Variants in ZCCHC17 observed in about 807,000 individuals in gnomAD.
ZCCHC17 encodes the protein zinc finger CCHC domain-containing protein 17.
ZCCHC17 carries 18 observed loss-of-function variants against 30.6 expected under a neutral mutation model. That is an observed-to-expected ratio of 0.59 (90% CI 0.41 to 0.87). The LOEUF is 0.87. Among genes scored for constraint, ZCCHC17 ranks in the 40% least tolerant of loss-of-function variants. The pLI, the probability that ZCCHC17 is intolerant of heterozygous loss-of-function variation, is 0.00. For synonymous variants in ZCCHC17, 88 were observed against 92.4 expected, an observed-to-expected ratio of 0.95 and a Z score of 0.27; for missense variants, 263 against 284.2, an observed-to-expected ratio of 0.93 and a Z score of 0.54.
At chr1:31,313,663 C>G (rs1408586294) in intron 2 of ZCCHC17, among the ~76,000 whole-genome samples, 1 of 152,064 alleles carries the variant, frequency 6.6e-6, no homozygotes, top group African/African-American at 2.4e-5. Context: ...ATGGTATCCC[C>G]AAAGGTTAGT....
At chr1:31,303,114 C>A (rs866388798) in intron 1 of ZCCHC17, among the ~76,000 whole-genome samples, 15 of 146,946 alleles carry the variant, frequency 1.0e-4, no homozygotes, top group African/African-American at 4.1e-4. Flanking sequence ...CAGTCTCTAC[C>A]CCCCCTCAAA....
chr1:31,316,913 T>A (rs1415214429), intron 2 of ZCCHC17, among the ~76,000 whole-genome samples: 6 of 152,134 alleles, frequency 3.9e-5, no homozygotes. Flanking sequence ...AGAATGAAAG[T>A]TTTTATCTAT....
At chr1:31,317,862 C>T (rs1439488469) in intron 2 of ZCCHC17, among the ~76,000 whole-genome samples, 1 of 152,180 alleles carries the variant, frequency 6.6e-6, no homozygotes, top group African/African-American at 2.4e-5. Flanking sequence ...TCAAATACCA[C>T]ATTGCTTTTG....
chr1:31,345,438 A>C (rs910478403), intron 5 of ZCCHC17, among the ~76,000 whole-genome samples: 1 of 147,044 alleles, frequency 6.8e-6, no homozygotes, highest in African/African-American at 2.5e-5. Flanking sequence ...TTACAGGCAT[A>C]AGCCACCACA....
At chr1:31,318,071 G>T in intron 2 of ZCCHC17, 1 of 939,912 alleles carries the variant, frequency 1.1e-6, no homozygotes. Context: ...ATTATGCAAA[G>T]CATTTTGAAT....
At chr1:31,362,078 G>C (rs1639927510) in intron 7 of ZCCHC17, among the ~76,000 whole-genome samples, 1 of 152,180 alleles carries the variant, frequency 6.6e-6, no homozygotes, top group Non-Finnish European at 1.5e-5. Flanking sequence ...CCAGAGTGCT[G>C]GGATTACAGG....
intron 1 of ZCCHC17, among the ~76,000 whole-genome samples, chr1:31,300,252 G>A (rs1337856827): frequency 4.6e-5 from 7 of 152,062 alleles, no homozygotes; most frequent in Non-Finnish European, 1.0e-4. Context: ...TAGAGATAAG[G>A]TCTTGCCATG....
chr1:31,318,077 T>G (rs757809626), intron 2 of ZCCHC17: 133 of 1,005,432 alleles, frequency 1.3e-4, no homozygotes, highest in Non-Finnish European at 1.8e-4. Flanking sequence ...CAAAGCATTT[T>G]GAATATTATT....
At chr1:31,363,028 A>G (rs996114796) in intron 7 of ZCCHC17, among the ~76,000 whole-genome samples, 1 of 152,148 alleles carries the variant, frequency 6.6e-6, no homozygotes, top group Admixed American at 6.5e-5. Context: ...CACAGTTTAT[A>G]TCATGTGCAT....
rs546944826 is a variant in ZCCHC17 at position 31,299,198 on chromosome 1, T to C, written c.-56+2123T>C. Among the ~76,000 whole-genome samples the C allele has an allele frequency of 2.8e-4, 43 of 152,274 alleles. 1 individual carries two copies. Among genetic ancestry groups the C allele is most frequent in the African/African-American group, 1.0e-3 (42 of 41,564 alleles). The stretch of plus-strand genomic sequence containing the variant: ...GAGGAGGAGAGGATGTGCTAACCGA[T>C]GGGGATAAGGGATTATCCAGGATCC... On this transcript the variant is annotated intron_variant, in intron 1 of 7. Coordinates refer to ENST00000344147, the MANE Select transcript of ZCCHC17 (RefSeq NM_016505.4).
At chr1:31,334,277 TCAGGCATCTG>T (rs371719422) in intron 3 of ZCCHC17, among the ~76,000 whole-genome samples, 12 of 149,660 alleles carry the variant, frequency 8.0e-5, no homozygotes, top group African/African-American at 2.9e-4. Context: ...ATTTTGAGTT[TCAGGCATCTG>T]CAGGCATCCA....
chr1:31,336,305 G>T (rs1450714288), intron 3 of ZCCHC17, among the ~76,000 whole-genome samples: 3 of 152,050 alleles, frequency 2.0e-5, no homozygotes, highest in Non-Finnish European at 4.4e-5. Flanking sequence ...AGTTATTTCA[G>T]CTCTGTAAGT....
intron 1 of ZCCHC17, among the ~76,000 whole-genome samples, chr1:31,304,840 C>T (rs968827957): frequency 1.8e-4 from 28 of 152,204 alleles, no homozygotes; most frequent in African/African-American, 6.5e-4. Flanking sequence ...CGTGATCCAC[C>T]TGCCTCAGCC....
intron 7 of ZCCHC17, among the ~76,000 whole-genome samples, chr1:31,363,736 C>T (rs1379633915): frequency 2.0e-5 from 3 of 152,166 alleles, no homozygotes; most frequent in South Asian, 2.1e-4. Context: ...GAGCTGTGAT[C>T]GTGCCACTGC....
intron 6 of ZCCHC17, among the ~76,000 whole-genome samples, chr1:31,348,117 ATTTGTCCC>A (rs1354034266): frequency 1.3e-5 from 2 of 152,192 alleles, no homozygotes; most frequent in Non-Finnish European, 2.9e-5. Flanking sequence ...GAGAGGTGGA[ATTTGTCCC>A]AGTTAGTAAA....
chr1:31,310,724 A>G (rs1420265694), intron 2 of ZCCHC17, among the ~76,000 whole-genome samples: 1 of 152,262 alleles, frequency 6.6e-6, no homozygotes, highest in African/African-American at 2.4e-5. Context: ...TAAATTATCC[A>G]GTCTCTGGTA....
chr1:31,362,218 G>T (rs1358855898), intron 7 of ZCCHC17, among the ~76,000 whole-genome samples: 2 of 152,212 alleles, frequency 1.3e-5, no homozygotes, highest in Admixed American at 6.5e-5. Context: ...CCAGAACTCA[G>T]GTCCAGGTCT....
At chr1:31,349,996 T>C (rs1275780117) in intron 7 of ZCCHC17, among the ~76,000 whole-genome samples, 1 of 152,196 alleles carries the variant, frequency 6.6e-6, no homozygotes, top group African/African-American at 2.4e-5. Flanking sequence ...TACTTATCTG[T>C]CCCTAGCAGT....
At chr1:31,332,104 C>T (rs1638617761) in intron 3 of ZCCHC17, among the ~76,000 whole-genome samples, 1 of 152,170 alleles carries the variant, frequency 6.6e-6, no homozygotes, top group Admixed American at 6.5e-5. Flanking sequence ...GACTGAGAAC[C>T]TTCCAGGTAT....
Sources: gnomAD v4.1 joint callset for allele counts (sites outside exome capture counted in the v4.1 genomes callset) on GRCh38, gnomAD v4.1.1 for gene constraint, MANE v1.5 for transcripts, NCBI Gene and HGNC (gene_info 2026-07-23, HGNC 2026-07-21) for gene names.